Variants in RAB10 observed in about 807,000 individuals in gnomAD.
RAB10 encodes ras-related protein Rab-10.
A neutral mutation model predicts 25.7 loss-of-function variants in RAB10; 5 were observed. The ratio of observed to expected loss-of-function variants is 0.19; its 90% confidence interval spans 0.10 to 0.41. The LOEUF is 0.41. Among genes scored for constraint, RAB10 ranks in the 10% least tolerant of loss-of-function variants. The probability of loss-of-function intolerance (pLI) is 1.00; values close to 1 mark genes in which losing one functional copy is unlikely to be tolerated. For synonymous variants in RAB10, 89 were observed against 86.4 expected (o/e 1.03, Z -0.16); for missense variants, 103 against 245.8 (o/e 0.42, Z 3.89).
chr2:26,067,900 A>G (rs1217063200), intron 1 of RAB10, among the ~76,000 whole-genome samples: 1 of 152,252 alleles, frequency 6.6e-6, no homozygotes, highest in African/African-American at 2.4e-5. Flanking sequence ...ATCATAAATG[A>G]AGACTTGAGG....
chr2:26,059,213 CTT>C (rs1240692531), intron 1 of RAB10, among the ~76,000 whole-genome samples: 2 of 152,274 alleles, frequency 1.3e-5, no homozygotes, highest in East Asian at 3.9e-4. Context: ...ACAGTGGACT[CTT>C]TATTTAGGAG....
chr2:26,090,167 T>G lies in RAB10; in HGVS notation c.128-8495T>G, dbSNP rs144534190. Among the ~76,000 whole-genome samples the G allele has an allele frequency of 4.2e-3, 634 of 152,300 alleles. 3 individuals carry two copies. The highest frequency in any genetic ancestry group is 0.015 in the African/African-American group (612 of 41,574). The stretch of plus-strand genomic sequence containing the variant: ...TTGGTTTGGTAAAGCAATTTCTTAG[T>G]GCTATCTTAGAAAGGATGCATGGGA... On this transcript the variant is annotated intron_variant, in intron 1 of 5. Transcript: ENST00000264710.
chr2:26,131,838 T>G (rs1668019107), intron 5 of RAB10, among the ~76,000 whole-genome samples: 1 of 152,212 alleles, frequency 6.6e-6, no homozygotes, highest in South Asian at 2.1e-4. Flanking sequence ...AGCAAAATAA[T>G]TTTACTTTTT....
At chr2:26,116,855 CTTT>C (rs879498612) in intron 3 of RAB10, among the ~76,000 whole-genome samples, 2 of 145,898 alleles carry the variant, frequency 1.4e-5, no homozygotes, top group Non-Finnish European at 3.0e-5. Context: ...CACGCCCGGC[CTTT>C]TTTTTTTTCT....
intron 3 of RAB10, among the ~76,000 whole-genome samples, chr2:26,113,986 G>A (rs965869460): frequency 6.6e-6 from 1 of 152,092 alleles, no homozygotes; most frequent in Admixed American, 6.6e-5. Context: ...ATTTCCATTT[G>A]TAATAATATC....
chr2:26,129,410 C>T (rs904263305), intron 5 of RAB10, among the ~76,000 whole-genome samples: 5 of 151,954 alleles, frequency 3.3e-5, no homozygotes, highest in African/African-American at 4.8e-5. Flanking sequence ...CTAAAACCAA[C>T]CTATACATAA....
At chr2:26,035,355 G>C (rs1266390766) in intron 1 of RAB10, among the ~76,000 whole-genome samples, 1 of 152,154 alleles carries the variant, frequency 6.6e-6, no homozygotes, top group Non-Finnish European at 1.5e-5. Context: ...GTAATCTGAG[G>C]GAGATGATCA....
At chr2:26,056,152 A>C (rs1021250406) in intron 1 of RAB10, among the ~76,000 whole-genome samples, 1 of 151,892 alleles carries the variant, frequency 6.6e-6, no homozygotes, top group African/African-American at 2.4e-5. Flanking sequence ...CAGCCTCCCA[A>C]AGTGTTGGGA....
At chr2:26,065,702 G>C (rs185107736) in intron 1 of RAB10, among the ~76,000 whole-genome samples, 222 of 152,222 alleles carry the variant, frequency 1.5e-3, no homozygotes, top group African/African-American at 5.2e-3. Context: ...TCATTGACAT[G>C]TAACAGAAAT....
At chr2:26,098,802 G>A in intron 2 of RAB10, 80 bp downstream of exon 2, 3 of 1,222,486 alleles carry the variant, frequency 2.5e-6, no homozygotes, top group South Asian at 2.8e-5. Flanking sequence ...TTTGTCACAG[G>A]TTTAGATTCT....
chr2:26,058,576 A>G (rs1666320498), intron 1 of RAB10, among the ~76,000 whole-genome samples: 1 of 152,016 alleles, frequency 6.6e-6, no homozygotes, highest in East Asian at 1.9e-4. Flanking sequence ...GCTAAATCTG[A>G]TACCTCTTTG....
chr2:26,041,717 C>T (rs1439940220), intron 1 of RAB10, among the ~76,000 whole-genome samples: 1 of 151,920 alleles, frequency 6.6e-6, no homozygotes, highest in Non-Finnish European at 1.5e-5. Context: ...CCAGCCTGGC[C>T]AACATGGTGA....
chr2:26,062,739 A>T (rs910573787), intron 1 of RAB10, among the ~76,000 whole-genome samples: 2 of 152,090 alleles, frequency 1.3e-5, no homozygotes, highest in African/African-American at 2.4e-5. Context: ...ACTGGCTTAA[A>T]CAACAACAAA....
intron 1 of RAB10, among the ~76,000 whole-genome samples, chr2:26,089,686 C>G (rs4665822): frequency 0.77 from 116,770 of 151,928 alleles, 44,928 homozygotes; most frequent in East Asian, 0.87. Context: ...TCCATATTCT[C>G]TAGTCATATG....
intron 1 of RAB10, among the ~76,000 whole-genome samples, chr2:26,076,155 C>T (rs1160807030): frequency 1.3e-5 from 2 of 152,146 alleles, no homozygotes; most frequent in African/African-American, 2.4e-5. Context: ...CACATGATCT[C>T]ATTTAATCCC....
intron 1 of RAB10, among the ~76,000 whole-genome samples, chr2:26,039,965 G>GA (rs1399508206): frequency 7.9e-5 from 12 of 152,106 alleles, no homozygotes; most frequent in Non-Finnish European, 1.5e-4. Flanking sequence ...ATTATGTAAT[G>GA]AAAAAATAAA....
intron 1 of RAB10, among the ~76,000 whole-genome samples, chr2:26,075,271 T>G (rs546714362): frequency 6.6e-6 from 1 of 152,342 alleles, no homozygotes; most frequent in Admixed American, 6.5e-5. Flanking sequence ...AGCAAATCAT[T>G]GTACCCTAAA....
chr2:26,109,304 A>C (rs1667526412), intron 2 of RAB10, among the ~76,000 whole-genome samples: 1 of 152,250 alleles, frequency 6.6e-6, no homozygotes, highest in Non-Finnish European at 1.5e-5. Context: ...ATGAGAGGGC[A>C]TAGTTACAGG....
intron 1 of RAB10, among the ~76,000 whole-genome samples, chr2:26,086,267 CAA>C (rs1257437175): frequency 5.3e-5 from 8 of 152,138 alleles, no homozygotes; most frequent in Admixed American, 2.0e-4. Context: ...GCCTGGGCAA[CAA>C]GAGCGAAACT....
Sources: allele counts gnomAD v4.1 joint callset (sites outside exome capture counted in the v4.1 genomes callset), GRCh38; gene constraint gnomAD v4.1.1; transcripts MANE v1.5; gene names NCBI Gene and HGNC (gene_info 2026-07-23, HGNC 2026-07-21).